The following CACNA1C variants were observed in gnomAD, a reference collection of about 807,000 sequenced individuals.
CACNA1C encodes the protein calcium voltage-gated channel subunit alpha1 C.
In CACNA1C, 30 loss-of-function variants were observed where a neutral mutation model predicts 229.0. The observed-to-expected ratio is 0.13, with a 90% CI of 0.10 to 0.18. CACNA1C has a LOEUF of 0.18. Among genes scored for constraint, CACNA1C ranks in the 10% least tolerant of loss-of-function variants. The pLI, the probability that CACNA1C is intolerant of heterozygous loss-of-function variation, is 1.00. For synonymous variants in CACNA1C, 1,114 were observed against 1,132.5 expected (o/e 0.98, Z 0.33); for missense variants, 1,658 against 2,845.0 (o/e 0.58, Z 9.49).
intron 3 of CACNA1C, among the ~76,000 whole-genome samples, chr12:2,127,471 A>G (rs1463388781): frequency 2.0e-5 from 3 of 152,198 alleles, no homozygotes; most frequent in Non-Finnish European, 2.9e-5. Context: ...GTGTTGTCCT[A>G]ATGCAGCAGG....
In CACNA1C at chr12:2,053,799, G is replaced by C. The variant is rs1467332701; in HGVS notation, c.49+188G>C. The stretch of plus-strand genomic sequence containing the variant: ...GGGACCGGGGCCCGAACCGCCGCGC[G>C]AGACGGAGCGGAAAATTCCCGCCCC... On this transcript the variant is annotated intron_variant, in intron 1 of 46. Transcript: ENST00000399655. The surrounding 1 kb of genome is among the most constrained non-coding windows in gnomAD (Gnocchi z 5.8). 6.6e-5 allele frequency among the ~76,000 whole-genome samples: 10 copies of C among 150,460 alleles called. No individual in the cohort carries two copies. The highest frequency in any genetic ancestry group is 1.3e-4 in the Non-Finnish European group (9 of 67,446).
At chr12:2,658,845 C>G (rs201669652) in intron 34 of CACNA1C, among the ~76,000 whole-genome samples, 3 of 149,684 alleles carry the variant, frequency 2.0e-5, no homozygotes, top group Non-Finnish European at 4.4e-5. Context: ...CAGCTTTTAA[C>G]AAAAAGCTAA....
In CACNA1C at chr12:2,462,903, A is replaced by G. The variant is rs557569256; in HGVS notation, c.757+5197A>G. On this transcript the variant is annotated intron_variant, in intron 5 of 46. Coordinates refer to ENST00000399655, the MANE Select transcript of CACNA1C (RefSeq NM_000719.7). The stretch of plus-strand genomic sequence containing the variant: ...AGACCAATAGTGTTAGAGGCCCCAA[A>G]AGTTGCATTTTTTTTTTTTTTTTTT... Among the ~76,000 whole-genome samples the G allele has an allele frequency of 2.0e-5, 3 of 149,734 alleles. No homozygotes were observed. The East Asian group carries it at 6.1e-4, about 30-fold the overall frequency.
chr12:2,524,089 A>G (rs1476528516), intron 9 of CACNA1C, among the ~76,000 whole-genome samples: 2 of 152,220 alleles, frequency 1.3e-5, no homozygotes, highest in African/African-American at 2.4e-5. Flanking sequence ...CGTCGGGTGC[A>G]TGGCATGGGA....
At position 2,346,334 on chromosome 12, in the gene CACNA1C, G is replaced by A. The variant is rs1245618939; in HGVS notation, c.478-102642G>A. On this transcript the variant is annotated intron_variant, in intron 3 of 46. Coordinates refer to ENST00000399655, the MANE Select transcript of CACNA1C (RefSeq NM_000719.7). The surrounding 1 kb of genome is among the most constrained non-coding windows in gnomAD (Gnocchi z 4.4). ...GTGTGTCTGTGTGTCTTTGTAATGT[G>A]TGTGTGTGCCTATGTATGTCTCTGT... Among the ~76,000 whole-genome samples, 1 of 152,136 alleles carries A rather than the reference G, an allele frequency of 6.6e-6. No homozygotes were observed. The highest frequency in any genetic ancestry group is 2.4e-5 in the African/African-American group (1 of 41,424).
At chr12:2,049,975 G>A (rs958764755), upstream of CACNA1C, among the ~76,000 whole-genome samples, 1 of 152,174 alleles carries the variant, frequency 6.6e-6, no homozygotes, top group African/African-American at 2.4e-5. Flanking sequence ...GCTGAAAAGA[G>A]AAGTGAAAAA....
At chr12:2,441,784 G>A (rs1468632877) in intron 3 of CACNA1C, among the ~76,000 whole-genome samples, 3 of 152,182 alleles carry the variant, frequency 2.0e-5, no homozygotes, top group African/African-American at 7.2e-5. Context: ...GCTGCTTTTT[G>A]TGTGTATTCT....
Position 2,567,744 on chromosome 12 carries a change from C to T in CACNA1C, c.1845C>T (p.Gly615=). The T allele has an allele frequency of 6.2e-7, 1 of 1,613,306 alleles. No individual in the cohort carries two copies. Among genetic ancestry groups the T allele is most frequent in the Non-Finnish European group, 8.5e-7 (1 of 1,179,380 alleles). The part of the protein sequence containing the change: ...LVETKIMSPL[G]ISVLRCVRLL... ...AGACCAAGATCATGTCCCCACTGGGCATCTCCGTGCTCAGATGCGTCCGGC... is the reference window on the plus strand; with the variant it reads ...AGACCAAGATCATGTCCCCACTGGGTATCTCCGTGCTCAGATGCGTCCGGC... Residue 615 remains glycine (G), a synonymous_variant, in exon 13 of 47, where the codon GGC becomes GGT. Transcript: ENST00000399655.
chr12:2,339,335 C>T (rs1276356138), intron 3 of CACNA1C, among the ~76,000 whole-genome samples: 1 of 152,020 alleles, frequency 6.6e-6, no homozygotes, highest in Admixed American at 6.5e-5. Flanking sequence ...ATGGAGCTTG[C>T]AGGACTGGAA....
chr12:2,579,949 G>A (rs2059911687), intron 13 of CACNA1C, among the ~76,000 whole-genome samples: 2 of 152,186 alleles, frequency 1.3e-5, no homozygotes, highest in African/African-American at 4.8e-5. Flanking sequence ...TTAGCTGTAA[G>A]AGGGGAGGGT....
At chr12:2,191,952 G>T (rs576513917) in intron 3 of CACNA1C, among the ~76,000 whole-genome samples, 1 of 147,558 alleles carries the variant, frequency 6.8e-6, no homozygotes, top group Non-Finnish European at 1.5e-5. Flanking sequence ...ACTCATACAC[G>T]CACACATGTA....
chr12:2,242,811 A>C (rs1281996461), intron 3 of CACNA1C, among the ~76,000 whole-genome samples: 1 of 152,214 alleles, frequency 6.6e-6, no homozygotes, highest in Non-Finnish European at 1.5e-5. Context: ...CTACCATGGT[A>C]CAGCTGTGTG....
chr12:2,007,449 G>A (rs541450766), intron 1 of CACNA1C, among the ~76,000 whole-genome samples: 1 of 152,150 alleles, frequency 6.6e-6, no homozygotes, highest in Non-Finnish European at 1.5e-5. Flanking sequence ...GACTACAATT[G>A]CAAAGCATTT....
rs751210317 is a variant in CACNA1C at position 2,605,657 on chromosome 12, T to TCC, written c.3049-19_3049-18dup. On this transcript the variant is annotated intron_variant, in intron 23 of 46. Transcript: ENST00000399655. The surrounding 1 kb of genome is among the most constrained non-coding windows in gnomAD (Gnocchi z 6.2). ...GGCATCTCCTGAAGCCACGTCCCTC[T>TCC]CCCCGTCCCTTCCCACTGCAGCATG... 1 of 1,584,016 alleles carries TCC rather than the reference T, an allele frequency of 6.3e-7. No individual in the cohort carries two copies. The highest frequency in any genetic ancestry group is 8.7e-7 in the Non-Finnish European group (1 of 1,152,748).
intron 30 of CACNA1C, among the ~76,000 whole-genome samples, chr12:2,638,287 A>G (rs1423308674): frequency 6.6e-6 from 1 of 152,186 alleles, no homozygotes; most frequent in African/African-American, 2.4e-5. Context: ...GGGCTTCCTT[A>G]AGGAGGTGAC....
At chr12:2,548,983 C>T (rs1032799004) in intron 9 of CACNA1C, among the ~76,000 whole-genome samples, 1 of 152,080 alleles carries the variant, frequency 6.6e-6, no homozygotes, top group Non-Finnish European at 1.5e-5. Context: ...AACTAAGGAA[C>T]GCATTGTATC....
At position 2,585,925 on chromosome 12, in the gene CACNA1C, C is replaced by G. The variant is rs190124440; in HGVS notation, c.2530+21C>G. The G allele has an allele frequency of 3.4e-4, 513 of 1,500,270 alleles. 1 individual carries two copies. The highest frequency in any genetic ancestry group is 4.5e-4 in the Non-Finnish European group (489 of 1,098,048). The allele number at this position is 1,500,270 out of a possible 1,614,324, so 92.9% of individuals were successfully genotyped here. On this transcript the variant is annotated intron_variant, in intron 18 of 46. Transcript: ENST00000399655. The surrounding 1 kb of genome is among the most constrained non-coding windows in gnomAD (Gnocchi z 4.1). ...TACAGGTACCAGTCCCACTGCCTAACCTGGGATTGGGAGATTGGGGGCAGA... is the reference window on the plus strand; with the variant it reads ...TACAGGTACCAGTCCCACTGCCTAAGCTGGGATTGGGAGATTGGGGGCAGA...
At chr12:2,382,233 A>G (rs1292113137) in intron 3 of CACNA1C, among the ~76,000 whole-genome samples, 1 of 152,226 alleles carries the variant, frequency 6.6e-6, no homozygotes, top group East Asian at 1.9e-4. Flanking sequence ...GAAACCATGG[A>G]TATTTTCTTA....
chr12:2,414,142 G>T (rs1390759031), intron 3 of CACNA1C, among the ~76,000 whole-genome samples: 1 of 152,064 alleles, frequency 6.6e-6, no homozygotes, highest in Non-Finnish European at 1.5e-5. Flanking sequence ...CTGAGTTTTA[G>T]TTGCCTTATC....
Sources: gnomAD v4.1 joint callset for allele counts (sites outside exome capture counted in the v4.1 genomes callset) on GRCh38, gnomAD v4.1.1 for gene constraint, Gnocchi (gnomAD v3.1) non-coding constraint, MANE v1.5 for transcripts, NCBI Gene and HGNC (gene_info 2026-07-23, HGNC 2026-07-21) for gene names.